The following HMGCLL1 variants were observed in gnomAD, a reference collection of about 807,000 sequenced individuals.
HMGCLL1 encodes 3-hydroxymethyl-3-methylglutaryl-CoA lyase, cytoplasmic.
Under a neutral mutation model 39.1 loss-of-function variants are expected in HMGCLL1, and 36 were observed. That is an observed-to-expected ratio of 0.92 (90% CI 0.71 to 1.22). The LOEUF is 1.22. HMGCLL1 is among the 50% of genes most tolerant of loss of function. The pLI is 0.00. For missense variants in HMGCLL1, 451 were observed against 416.5 expected, an observed-to-expected ratio of 1.08 and a Z score of -0.72; for synonymous variants, 149 against 144.0, an observed-to-expected ratio of 1.03 and a Z score of -0.25.
the HMGCLL1 span, among the ~76,000 whole-genome samples, chr6:55,601,985 C>T: frequency 1.3e-5 from 2 of 151,948 alleles, no homozygotes; most frequent in Non-Finnish European, 2.9e-5. Flanking sequence ...ATGGGCCTTT[C>T]CTTACAGTTT....
At chr6:55,510,549 C>A (rs1455927755) in intron 5 of HMGCLL1, among the ~76,000 whole-genome samples, 1 of 146,450 alleles carries the variant, frequency 6.8e-6, no homozygotes, top group African/African-American at 2.5e-5. Context: ...GGACAAAAAA[C>A]CAAACACCGC....
intron 1 of HMGCLL1, among the ~76,000 whole-genome samples, chr6:55,558,188 T>C (rs1470528519): frequency 6.6e-6 from 1 of 152,142 alleles, no homozygotes; most frequent in Non-Finnish European, 1.5e-5. Flanking sequence ...GTGCAAAGGG[T>C]TACCCTACTA....
At chr6:55,565,503 G>A (rs1163100078) in intron 1 of HMGCLL1, among the ~76,000 whole-genome samples, 2 of 152,042 alleles carry the variant, frequency 1.3e-5, no homozygotes, top group African/African-American at 4.8e-5. Context: ...TTGACAGCAA[G>A]TATGTTAAAA....
intron 3 of HMGCLL1, among the ~76,000 whole-genome samples, chr6:55,527,003 G>A (rs1768356515): frequency 6.6e-6 from 1 of 152,040 alleles, no homozygotes; most frequent in South Asian, 2.1e-4. Context: ...CACCCAGTTA[G>A]TGAGTGCAAA....
chr6:55,650,191 A>T, the HMGCLL1 span, among the ~76,000 whole-genome samples: 1 of 138,114 alleles, frequency 7.2e-6, no homozygotes, highest in East Asian at 2.3e-4. Context: ...TGCCTTATTT[A>T]GTTCATTTTT....
At chr6:55,613,158 A>G in the HMGCLL1 span, among the ~76,000 whole-genome samples, 14 of 152,338 alleles carry the variant, frequency 9.2e-5, no homozygotes, top group East Asian at 2.7e-3. Flanking sequence ...AGTTCTCAAA[A>G]GAAGACATTT....
At chr6:55,522,439 G>T (rs984351415) in intron 3 of HMGCLL1, among the ~76,000 whole-genome samples, 1 of 151,934 alleles carries the variant, frequency 6.6e-6, no homozygotes, top group Non-Finnish European at 1.5e-5. Flanking sequence ...AGTTTACTCA[G>T]TTCCAACTGA....
chr6:55,634,508 A>G, the HMGCLL1 span, among the ~76,000 whole-genome samples: 1 of 152,124 alleles, frequency 6.6e-6, no homozygotes, highest in Admixed American at 6.6e-5. Context: ...AAAGATCTTA[A>G]CCTGGTAACC....
the HMGCLL1 span, among the ~76,000 whole-genome samples, chr6:55,678,026 A>T: frequency 1.3e-5 from 2 of 152,118 alleles, no homozygotes; most frequent in African/African-American, 4.8e-5. Context: ...TCATGAACAT[A>T]CTCTAGCCTC....
chr6:55,508,588 T>C (rs890240891), intron 5 of HMGCLL1, among the ~76,000 whole-genome samples: 13 of 151,858 alleles, frequency 8.6e-5, no homozygotes, highest in Admixed American at 7.2e-4. Flanking sequence ...AATCTCATGA[T>C]AAAAACTTCT....
chr6:55,608,839 C>A, the HMGCLL1 span, among the ~76,000 whole-genome samples: 1 of 152,228 alleles, frequency 6.6e-6, no homozygotes, highest in African/African-American at 2.4e-5. Flanking sequence ...CAAGGAGAAC[C>A]AAAGCAGTGT....
chr6:55,635,902 G>A, the HMGCLL1 span, among the ~76,000 whole-genome samples: 14 of 152,202 alleles, frequency 9.2e-5, no homozygotes, highest in South Asian at 2.7e-3. Context: ...GGCCATGAGA[G>A]TTGAACACAG....
the HMGCLL1 span, among the ~76,000 whole-genome samples, chr6:55,650,039 A>C: frequency 7.5e-6 from 1 of 133,020 alleles, no homozygotes. Flanking sequence ...AGCTATTTTG[A>C]ATTCTCTGTC....
intron 7 of HMGCLL1, among the ~76,000 whole-genome samples, chr6:55,483,560 G>A (rs1284844822): frequency 1.3e-5 from 2 of 152,254 alleles, no homozygotes; most frequent in Admixed American, 1.3e-4. Context: ...ACCACACCCA[G>A]CCAAGAAGGA....
At chr6:55,477,663 T>A (rs1312526121) in intron 7 of HMGCLL1, among the ~76,000 whole-genome samples, 15 of 147,796 alleles carry the variant, frequency 1.0e-4, no homozygotes, top group Non-Finnish European at 2.1e-4. Flanking sequence ...ATATGTTATA[T>A]AACCATTGAG....
chr6:55,473,330 A>G (rs116448688), intron 7 of HMGCLL1, among the ~76,000 whole-genome samples: 2,516 of 151,244 alleles, frequency 0.017, 38 homozygotes, highest in Non-Finnish European at 0.029. Flanking sequence ...ACATTTTTCA[A>G]TCTTCTCTGG....
At chr6:55,499,529 T>C (rs983868703) in intron 5 of HMGCLL1, among the ~76,000 whole-genome samples, 30 of 152,160 alleles carry the variant, frequency 2.0e-4, no homozygotes, top group Non-Finnish European at 4.3e-4. Flanking sequence ...TGATGACAGA[T>C]GGGGATAAAT....
intron 3 of HMGCLL1, among the ~76,000 whole-genome samples, chr6:55,533,343 A>G (rs930829240): frequency 6.6e-6 from 1 of 151,956 alleles, no homozygotes; most frequent in African/African-American, 2.4e-5. Context: ...TATTATTTTC[A>G]TTCAATAAGA....
intron 7 of HMGCLL1, among the ~76,000 whole-genome samples, chr6:55,483,975 G>A (rs1175636313): frequency 6.6e-6 from 1 of 151,968 alleles, no homozygotes; most frequent in East Asian, 1.9e-4. Context: ...GGAAAGAATG[G>A]GTTAGGTAAT....
Sources: gnomAD v4.1 joint callset for allele counts (sites outside exome capture counted in the v4.1 genomes callset) on GRCh38, gnomAD v4.1.1 for gene constraint, MANE v1.5 for transcripts, NCBI Gene and HGNC (gene_info 2026-07-23, HGNC 2026-07-21) for gene names.